Variants in CLN6 observed in about 807,000 individuals in gnomAD.
CLN6 encodes CLN6 transmembrane ER protein.
In CLN6, 22 loss-of-function variants were observed where a neutral mutation model predicts 33.3. That is an observed-to-expected ratio of 0.66 (90% CI 0.47 to 0.94). The LOEUF (loss-of-function observed/expected upper bound fraction) is 0.94, where lower values mean the gene tolerates loss of function less well. Ranked by LOEUF, CLN6 falls within the 40% of genes least tolerant of loss-of-function variation. The probability of loss-of-function intolerance (pLI) is 0.00; values close to 1 mark genes in which losing one functional copy is unlikely to be tolerated. For synonymous variants in CLN6, 201 were observed against 174.6 expected, an observed-to-expected ratio of 1.15 and a Z score of -1.19; for missense variants, 387 against 417.1, an observed-to-expected ratio of 0.93 and a Z score of 0.63.
chr15:68,233,159 C>CT (rs1567102784), upstream of CLN6, among the ~76,000 whole-genome samples: 1 of 152,178 alleles, frequency 6.6e-6, no homozygotes, highest in Non-Finnish European at 1.5e-5. The surrounding 1 kb of genome is among the most constrained non-coding windows in gnomAD (Gnocchi z 4.3). Context: ...CTCTGTCTCA[C>CT]TCCCCCTTGT....
intron 1 of CLN6, among the ~76,000 whole-genome samples, chr15:68,224,032 G>A (rs1273251623): frequency 1.3e-5 from 2 of 150,578 alleles, no homozygotes; most frequent in Non-Finnish European, 3.0e-5. Context: ...GGCAGTAAGA[G>A]TGAAACTGTC....
chr15:68,229,454 C>A (rs1024279914), intron 1 of CLN6, 48 bp downstream of exon 1: 1 of 1,388,944 alleles, frequency 7.2e-7, no homozygotes, highest in Admixed American at 2.5e-5. Flanking sequence ...TCCCGAGGCC[C>A]CAGCGCACAG....
Position 68,242,284 on chromosome 15 carries a change from C to A in CLN6, c.179+14406G>T, listed in dbSNP as rs1002219099. On this transcript the variant is annotated intron_variant, in intron 1 of 6. Transcript: ENST00000538696. This position sits in a 1 kb window ranked among gnomAD's most constrained non-coding sequence, Gnocchi z 5.0. ...GAACTGAGAAATACATTTGCTAAAT[C>A]AAAAAATTCATTAGAGACTCTCAAC... Among the ~76,000 whole-genome samples the A allele has an allele frequency of 6.6e-6, 1 of 151,876 alleles. No homozygotes were observed. Among genetic ancestry groups the A allele is most frequent in the Non-Finnish European group, 1.5e-5 (1 of 67,974 alleles).
chr15:68,211,621 C>T lies in CLN6; in HGVS notation c.486+54G>A, dbSNP rs772244112. ...GGTGGGGGCCATTTCTTCAGCCTCCCAGGACAGACTGTGCTCCTAGGGCTT... is the reference window on the plus strand; with the variant it reads ...GGTGGGGGCCATTTCTTCAGCCTCCTAGGACAGACTGTGCTCCTAGGGCTT... On this transcript the variant is annotated intron_variant, in intron 4 of 6. Coordinates refer to ENST00000249806, the MANE Select transcript of CLN6 (RefSeq NM_017882.3). This position sits in a 1 kb window ranked among gnomAD's most constrained non-coding sequence, Gnocchi z 5.9. 4 of 1,609,160 alleles carry T rather than the reference C, an allele frequency of 2.5e-6. No homozygotes were observed. The Middle Eastern group carries it at 4.9e-4, about 199-fold the overall frequency.
At chr15:68,240,879 G>T (rs556800488) in intron 1 of CLN6, among the ~76,000 whole-genome samples, 1 of 151,478 alleles carries the variant, frequency 6.6e-6, no homozygotes, top group South Asian at 2.1e-4. Context: ...AGCTACTCAG[G>T]AGGCTGAGAC....
At chr15:68,215,325 C>CATAT (rs2093217713) in intron 2 of CLN6, 1 of 152,096 alleles carries the variant, frequency 6.6e-6, no homozygotes, top group Admixed American at 6.5e-5. Context: ...TTACCTACAT[C>CATAT]ATATATATAC....
At chr15:68,243,458 T>C (rs1350865736) in intron 1 of CLN6, among the ~76,000 whole-genome samples, 1 of 152,164 alleles carries the variant, frequency 6.6e-6, no homozygotes, top group East Asian at 1.9e-4. Context: ...AAATTTTATT[T>C]AAAAAACTAG....
chr15:68,231,826 G>A (rs1307354606), upstream of CLN6, among the ~76,000 whole-genome samples: 2 of 152,200 alleles, frequency 1.3e-5, no homozygotes, highest in African/African-American at 4.8e-5. Flanking sequence ...CTCCCTGTCC[G>A]GTGGGATTAT....
Position 68,208,049 on chromosome 15 carries a change from A to T in CLN6, c.*91T>A. Reference sequence around the variant, plus strand: ...CCACTCATGCTCTCGGTCTCTGGTTACACACCCACACCCCCCCTACTCCTG... The same window carrying T: ...CCACTCATGCTCTCGGTCTCTGGTTTCACACCCACACCCCCCCTACTCCTG... On this transcript the variant is annotated 3_prime_UTR_variant, in exon 7 of 7. Coordinates refer to ENST00000249806, the MANE Select transcript of CLN6 (RefSeq NM_017882.3). The surrounding 1 kb of genome is among the most constrained non-coding windows in gnomAD (Gnocchi z 5.8). The T allele has an allele frequency of 7.1e-7, 1 of 1,411,668 alleles. No homozygotes were observed. Among genetic ancestry groups the T allele is most frequent in the Non-Finnish European group, 9.7e-7 (1 of 1,027,248 alleles). 87.4% of individuals were successfully genotyped at this position (1,411,668 alleles called of 1,614,324 possible).
At chr15:68,255,274 A>G (rs2141168511) in intron 1 of CLN6, among the ~76,000 whole-genome samples, 1 of 140,552 alleles carries the variant, frequency 7.1e-6, no homozygotes, top group African/African-American at 2.5e-5. Flanking sequence ...GCATAGATTT[A>G]ACTCCCTTAA....
chr15:68,207,722 G>A lies in CLN6; in HGVS notation c.*418C>T. The A allele has an allele frequency of 3.4e-6, 1 of 298,054 alleles. No individual in the cohort carries two copies. The highest frequency in any genetic ancestry group is 2.2e-5 in the African/African-American group (1 of 46,300). The allele number at this position is 298,054 out of a possible 1,614,324, so 18.5% of individuals were successfully genotyped here. A position where few individuals can be genotyped will look rare whatever the true frequency, so the allele number is the denominator to read the frequency against. ...GGGCCTGAGGGATGAGCCAGGTGGT[G>A]GGCAGGTGACACACCAGGTCCCCTC... On this transcript the variant is annotated 3_prime_UTR_variant, in exon 7 of 7. Transcript: ENST00000249806.
At chr15:68,244,824 T>G (rs985749650) in intron 1 of CLN6, among the ~76,000 whole-genome samples, 3 of 151,732 alleles carry the variant, frequency 2.0e-5, no homozygotes, top group South Asian at 2.1e-4. Flanking sequence ...GAGGCCAAGG[T>G]GGGTGGATCA....
At chr15:68,212,154 G>T in intron 3 of CLN6, 1 of 445,884 alleles carries the variant, frequency 2.2e-6, no homozygotes, top group Non-Finnish European at 4.1e-6. Context: ...AGGCTGGAGG[G>T]GACAGCCCAG....
intron 2 of CLN6, among the ~76,000 whole-genome samples, chr15:68,216,051 G>A (rs1156733753): frequency 6.6e-6 from 1 of 152,192 alleles, no homozygotes; most frequent in African/African-American, 2.4e-5. Flanking sequence ...GTATACAAGA[G>A]CTTTTCAAAT....
chr15:68,222,697 T>C (rs1302891396), intron 1 of CLN6, among the ~76,000 whole-genome samples: 2 of 152,122 alleles, frequency 1.3e-5, no homozygotes, highest in African/African-American at 4.8e-5. Context: ...GGGGGAAATG[T>C]GGGGAAAAGA....
chr15:68,239,148 G>A (rs1892259436), intron 1 of CLN6, among the ~76,000 whole-genome samples: 1 of 150,312 alleles, frequency 6.7e-6, no homozygotes, highest in Admixed American at 6.6e-5. Flanking sequence ...AATAGAATAA[G>A]AAAACAAAAA....
chr15:68,229,763 GCGGAGCGGA>G (rs1425179480), upstream of CLN6: 12 of 249,756 alleles, frequency 4.8e-5, no homozygotes, highest in African/African-American at 8.3e-4. Flanking sequence ...GCGGAGCGGA[GCGGAGCGGA>G]GCGGAGGGAG....
Position 68,255,183 on chromosome 15 carries a change from A to G in CLN6, c.179+1507T>C, listed in dbSNP as rs535615072. On this transcript the variant is annotated intron_variant, in intron 1 of 6. Transcript: ENST00000538696. ...AAGGGGGATTCCCTGACTTTGACAC[A>G]CAAGGTCCCTTGGCACAAAAGCCTC... is the stretch of plus-strand genomic sequence containing the variant. 3.9e-5 allele frequency among the ~76,000 whole-genome samples: 6 copies of G among 152,312 alleles called. No homozygotes were observed. The South Asian group carries it at 1.0e-3, about 26-fold the overall frequency.
rs949156480 is a variant in CLN6, at chr15:68,241,130, T to G, written c.179+15560A>C. Among the ~76,000 whole-genome samples, 1 of 152,146 alleles carries G rather than the reference T, an allele frequency of 6.6e-6. No homozygotes were observed. The highest frequency in any genetic ancestry group is 2.4e-5 in the African/African-American group (1 of 41,426). ...ACATTATGCTAGTAAATTTCAAAAT[T>G]TATTAGAAAGGGAAACATTTCTAAA... On this transcript the variant is annotated intron_variant, in intron 1 of 6. Transcript: ENST00000538696. The surrounding 1 kb of genome is among the most constrained non-coding windows in gnomAD (Gnocchi z 4.2).
Sources: gnomAD v4.1 joint callset for allele counts (sites outside exome capture counted in the v4.1 genomes callset) on GRCh38, gnomAD v4.1.1 for gene constraint, Gnocchi (gnomAD v3.1) non-coding constraint, MANE v1.5 for transcripts, NCBI Gene and HGNC (gene_info 2026-07-23, HGNC 2026-07-21) for gene names.